FAF1: variants seen among roughly 807,000 people sequenced by gnomAD.
The protein encoded by FAF1 is Fas associated factor 1.
Under a neutral mutation model 92.5 loss-of-function variants are expected in FAF1, and 25 were observed. That is an observed-to-expected ratio of 0.27 (90% CI 0.20 to 0.38). The LOEUF is 0.38. Ranked by LOEUF, FAF1 falls within the 10% of genes least tolerant of loss-of-function variation. The pLI, the probability that FAF1 is intolerant of heterozygous loss-of-function variation, is 1.00. For missense variants in FAF1, 636 were observed against 793.3 expected, an observed-to-expected ratio of 0.80 and a Z score of 2.38; for synonymous variants, 234 against 273.2, an observed-to-expected ratio of 0.86 and a Z score of 1.42.
In FAF1 at chr1:50,523,808, T is replaced by C. The variant is rs140713515; in HGVS notation, c.1494+11561A>G. Among the ~76,000 whole-genome samples, 398 of 152,324 alleles carry C rather than the reference T, an allele frequency of 2.6e-3. 2 individuals are homozygous for C. The highest frequency in any genetic ancestry group is 4.4e-3 in the Non-Finnish European group (298 of 68,032). The stretch of plus-strand genomic sequence containing the variant: ...AGTCTCCCATTGATGGGCATTTAGG[T>C]TGATTCCATGTCTTTGCTATTGTGA... On this transcript the variant is annotated intron_variant, in intron 15 of 18. Transcript: ENST00000396153.
At chr1:50,759,615 T>C (rs544158850) in intron 4 of FAF1, among the ~76,000 whole-genome samples, 218 of 152,212 alleles carry the variant, frequency 1.4e-3, no homozygotes, top group African/African-American at 5.0e-3. Flanking sequence ...TAAACATACG[T>C]GTGCATGTGT....
chr1:50,769,025 G>C (rs1426466764), intron 4 of FAF1, among the ~76,000 whole-genome samples: 5 of 151,464 alleles, frequency 3.3e-5, no homozygotes, highest in African/African-American at 9.7e-5. Flanking sequence ...GAATATGACT[G>C]ATAGACTACT....
chr1:50,761,331 C>T (rs1435348939), intron 4 of FAF1, among the ~76,000 whole-genome samples: 2 of 152,192 alleles, frequency 1.3e-5, no homozygotes, highest in Non-Finnish European at 2.9e-5. Context: ...CTCCCTAACT[C>T]ATTTGATGAG....
At chr1:50,802,001 C>T (rs1266770939) in intron 2 of FAF1, among the ~76,000 whole-genome samples, 2 of 152,130 alleles carry the variant, frequency 1.3e-5, no homozygotes, top group Non-Finnish European at 2.9e-5. Context: ...AAATCAGTAA[C>T]TTCATCTTAT....
At chr1:50,764,107 C>T (rs1660466596) in intron 4 of FAF1, among the ~76,000 whole-genome samples, 1 of 151,972 alleles carries the variant, frequency 6.6e-6, no homozygotes, top group South Asian at 2.1e-4. Context: ...TTTCTCATTA[C>T]TTTTTTTGTT....
intron 4 of FAF1, among the ~76,000 whole-genome samples, chr1:50,762,443 T>TA (rs1456628769): frequency 6.6e-6 from 1 of 151,360 alleles, no homozygotes; most frequent in Non-Finnish European, 1.5e-5. Context: ...CAAACTATAC[T>TA]ACAAGGCTAC....
At chr1:50,545,578 T>C (rs543856112) in intron 13 of FAF1, among the ~76,000 whole-genome samples, 15 of 150,028 alleles carry the variant, frequency 1.0e-4, no homozygotes, top group African/African-American at 3.7e-4. Flanking sequence ...CCTAAAGCTA[T>C]ATTTTAAAAA....
At chr1:50,728,377 T>C (rs1658750391) in intron 6 of FAF1, among the ~76,000 whole-genome samples, 1 of 152,128 alleles carries the variant, frequency 6.6e-6, no homozygotes, top group Non-Finnish European at 1.5e-5. Context: ...GCTGGTGAGC[T>C]ATGAGCCAGA....
Position 50,441,200 on chromosome 1 carries a change from G to A in FAF1, c.*240C>T. On this transcript the variant is annotated 3_prime_UTR_variant, in exon 19 of 19. Coordinates refer to ENST00000396153, the MANE Select transcript of FAF1 (RefSeq NM_007051.3). ...GTCATTGAAGGAGGGTGAAGTGCAG[G>A]GGGTAGGGGAGGGTGGCAGAGTTGT... The A allele has an allele frequency of 4.9e-6, 2 of 410,534 alleles. No homozygotes were observed. Among genetic ancestry groups the A allele is most frequent in the Non-Finnish European group, 8.7e-6 (2 of 230,300 alleles). 25.4% of individuals were successfully genotyped at this position (410,534 alleles called of 1,614,324 possible).
chr1:50,927,763 T>C (rs1029533236), intron 1 of FAF1, among the ~76,000 whole-genome samples: 3 of 152,178 alleles, frequency 2.0e-5, no homozygotes, highest in Admixed American at 6.5e-5. Context: ...AAATCCAATA[T>C]CAAGGTGTCA....
intron 2 of FAF1, among the ~76,000 whole-genome samples, chr1:50,845,807 C>T (rs2124650341): frequency 6.6e-6 from 1 of 152,094 alleles, no homozygotes; most frequent in South Asian, 2.1e-4. Flanking sequence ...CAAAATTATA[C>T]TCAAACTCTT....
At chr1:50,952,283 T>A (rs1384424812) in intron 1 of FAF1, among the ~76,000 whole-genome samples, 1 of 152,206 alleles carries the variant, frequency 6.6e-6, no homozygotes, top group Non-Finnish European at 1.5e-5. Flanking sequence ...GGTTTTCGTA[T>A]CTTTTTGGTG....
At chr1:50,594,976 T>C (rs1651726578) in intron 9 of FAF1, among the ~76,000 whole-genome samples, 1 of 151,924 alleles carries the variant, frequency 6.6e-6, no homozygotes, top group African/African-American at 2.4e-5. Flanking sequence ...GCCCCTTCTC[T>C]TTGTTTCTTT....
At chr1:50,819,813 A>G (rs1222834608) in intron 2 of FAF1, among the ~76,000 whole-genome samples, 2 of 135,624 alleles carry the variant, frequency 1.5e-5, no homozygotes, top group African/African-American at 2.8e-5. Context: ...ATATATATAT[A>G]TATATAGTAT....
At chr1:50,691,269 G>A (rs1328013016) in intron 7 of FAF1, among the ~76,000 whole-genome samples, 1 of 151,076 alleles carries the variant, frequency 6.6e-6, no homozygotes, top group Non-Finnish European at 1.5e-5. Context: ...TTTCCAGACA[G>A]TTTCACTCTG....
At chr1:50,779,356 T>C (rs2124559107) in intron 4 of FAF1, among the ~76,000 whole-genome samples, 1 of 152,328 alleles carries the variant, frequency 6.6e-6, no homozygotes, top group East Asian at 1.9e-4. Context: ...CCTTTCCAGA[T>C]GGTTTTCAAT....
intron 4 of FAF1, among the ~76,000 whole-genome samples, chr1:50,775,849 G>A (rs969877095): frequency 2.6e-5 from 4 of 152,114 alleles, no homozygotes; most frequent in African/African-American, 9.6e-5. Flanking sequence ...ATTCTATCAA[G>A]TCTAAGTATT....
chr1:50,856,093 C>T (rs1413354111), intron 2 of FAF1, among the ~76,000 whole-genome samples: 1 of 151,728 alleles, frequency 6.6e-6, no homozygotes. Flanking sequence ...AATTAGTGGA[C>T]ACGAACCAAT....
intron 4 of FAF1, among the ~76,000 whole-genome samples, chr1:50,785,312 C>T (rs1203401522): frequency 2.0e-5 from 3 of 151,654 alleles, no homozygotes; most frequent in Admixed American, 6.6e-5. Flanking sequence ...AGCTTCTGCA[C>T]AGAAAAGTAA....
Sources: allele counts gnomAD v4.1 joint callset (sites outside exome capture counted in the v4.1 genomes callset), GRCh38; gene constraint gnomAD v4.1.1; transcripts MANE v1.5; gene names NCBI Gene and HGNC (gene_info 2026-07-23, HGNC 2026-07-21).